FBXL17: variants seen among roughly 807,000 people sequenced by gnomAD.
FBXL17 encodes the protein F-box and leucine rich repeat protein 17, also known as F-box/LRR-repeat protein 17.
In FBXL17, 22 loss-of-function variants were observed where a neutral mutation model predicts 66.2. The observed-to-expected ratio is 0.33, with a 90% CI of 0.24 to 0.47. The LOEUF (loss-of-function observed/expected upper bound fraction) is 0.47, where lower values mean the gene tolerates loss of function less well. FBXL17 is among the 20% of genes least tolerant of loss of function. The probability of loss-of-function intolerance (pLI) is 1.00; values close to 1 mark genes in which losing one functional copy is unlikely to be tolerated. For missense variants in FBXL17, 878 were observed against 948.2 expected (o/e 0.93, Z 0.97); for synonymous variants, 474 against 400.5 (o/e 1.18, Z -2.19).
chr5:108,302,152 A>C, intron 4 of FBXL17: 2 of 261,966 alleles, frequency 7.6e-6, no homozygotes, highest in Non-Finnish European at 1.2e-5. Flanking sequence ...AATGCAACTA[A>C]ATTGATATAT....
intron 7 of FBXL17, among the ~76,000 whole-genome samples, chr5:107,895,079 T>C (rs1749329689): frequency 6.6e-6 from 1 of 152,150 alleles, no homozygotes; most frequent in Non-Finnish European, 1.5e-5. Context: ...TTTCTGTCTT[T>C]TGTAACCACA....
chr5:108,181,216 T>C (rs1348507971), intron 6 of FBXL17, among the ~76,000 whole-genome samples: 34 of 152,156 alleles, frequency 2.2e-4, no homozygotes, highest in Admixed American at 2.2e-3. Context: ...TAAAGACTGA[T>C]ATAAATACAA....
intron 4 of FBXL17, among the ~76,000 whole-genome samples, chr5:108,302,553 A>T (rs546791626): frequency 6.6e-5 from 10 of 151,798 alleles, no homozygotes; most frequent in Non-Finnish European, 1.2e-4. Flanking sequence ...CAAAGACTGA[A>T]AAATTTCTTC....
At chr5:108,202,086 C>T (rs1480371158) in intron 5 of FBXL17, among the ~76,000 whole-genome samples, 2 of 152,056 alleles carry the variant, frequency 1.3e-5, no homozygotes, top group South Asian at 4.1e-4. Context: ...CCAAGAAAGG[C>T]TCTTTCAAAA....
intron 6 of FBXL17, among the ~76,000 whole-genome samples, chr5:108,063,139 T>G (rs1197607454): frequency 1.3e-5 from 2 of 152,188 alleles, no homozygotes; most frequent in Admixed American, 6.5e-5. Context: ...AGTTCATTTT[T>G]TTTGTCTTGT....
At chr5:108,358,513 C>G (rs1330104902) in intron 3 of FBXL17, among the ~76,000 whole-genome samples, 1 of 151,960 alleles carries the variant, frequency 6.6e-6, no homozygotes, top group East Asian at 1.9e-4. Context: ...GTTGAGCCAC[C>G]CTTGTACTCC....
chr5:108,005,187 C>T (rs1254480364), intron 7 of FBXL17, among the ~76,000 whole-genome samples: 1 of 150,976 alleles, frequency 6.6e-6, no homozygotes, highest in Non-Finnish European at 1.5e-5. Flanking sequence ...CTCGTATTAG[C>T]TAGGTTTTTC....
chr5:108,198,990 A>C (rs981890867), intron 5 of FBXL17, among the ~76,000 whole-genome samples: 2 of 152,182 alleles, frequency 1.3e-5, no homozygotes, highest in African/African-American at 4.8e-5. Flanking sequence ...TATATAATAA[A>C]GCACTACTTT....
intron 7 of FBXL17, among the ~76,000 whole-genome samples, chr5:108,017,913 A>G (rs1021028832): frequency 2.0e-5 from 3 of 152,180 alleles, no homozygotes; most frequent in Non-Finnish European, 4.4e-5. Context: ...CAATTAAAAT[A>G]AACATAACTC....
intron 7 of FBXL17, among the ~76,000 whole-genome samples, chr5:107,967,426 A>G (rs1352937811): frequency 1.3e-5 from 2 of 150,792 alleles, no homozygotes; most frequent in South Asian, 2.1e-4. Flanking sequence ...CTGGCAGTCT[A>G]TATTTTAGGA....
At chr5:108,016,549 CT>C (rs773811579) in intron 7 of FBXL17, among the ~76,000 whole-genome samples, 4 of 152,298 alleles carry the variant, frequency 2.6e-5, no homozygotes, top group East Asian at 3.9e-4. Context: ...CAACTGCCCC[CT>C]GACACAAGGT....
At chr5:108,027,271 C>T (rs1754859565) in intron 6 of FBXL17, among the ~76,000 whole-genome samples, 1 of 152,000 alleles carries the variant, frequency 6.6e-6, no homozygotes. Flanking sequence ...TACTAAGAAA[C>T]AAGACGATTA....
At chr5:108,078,786 T>G (rs1748650345) in intron 6 of FBXL17, among the ~76,000 whole-genome samples, 1 of 152,214 alleles carries the variant, frequency 6.6e-6, no homozygotes, top group African/African-American at 2.4e-5. Flanking sequence ...GCCTCCATTC[T>G]TTCTGTAACC....
intron 4 of FBXL17, among the ~76,000 whole-genome samples, chr5:108,259,547 C>G (rs1756722915): frequency 6.6e-6 from 1 of 152,080 alleles, no homozygotes; most frequent in Non-Finnish European, 1.5e-5. Flanking sequence ...GTTTCACCCA[C>G]ACAGCCTCAG....
At chr5:108,141,584 C>A (rs907033143) in intron 6 of FBXL17, among the ~76,000 whole-genome samples, 11 of 152,224 alleles carry the variant, frequency 7.2e-5, no homozygotes, top group African/African-American at 2.7e-4. Context: ...TTCTACACAT[C>A]TACAGGAGTT....
intron 7 of FBXL17, among the ~76,000 whole-genome samples, chr5:108,000,290 C>A (rs1008676196): frequency 1.3e-5 from 2 of 152,160 alleles, no homozygotes; most frequent in African/African-American, 4.8e-5. Context: ...ACGCATACTG[C>A]TAAGGCTTCA....
At chr5:107,867,721 C>T (rs1312310644) in intron 8 of FBXL17, among the ~76,000 whole-genome samples, 1 of 152,170 alleles carries the variant, frequency 6.6e-6, no homozygotes, top group East Asian at 1.9e-4. Context: ...ATGCCTTCAC[C>T]CCTATGTGGT....
intron 7 of FBXL17, among the ~76,000 whole-genome samples, chr5:107,943,392 G>T (rs1946610): frequency 5.3e-5 from 8 of 152,024 alleles, no homozygotes; most frequent in African/African-American, 1.9e-4. Context: ...TTGAAGCCAT[G>T]ACCATCCACC....
At chr5:108,291,558 T>C (rs1177436723) in intron 4 of FBXL17, among the ~76,000 whole-genome samples, 1 of 152,194 alleles carries the variant, frequency 6.6e-6, no homozygotes, top group African/African-American at 2.4e-5. Context: ...CTTTACCCTT[T>C]CTTAGAGGAA....
Sources: gnomAD v4.1 joint callset for allele counts (sites outside exome capture counted in the v4.1 genomes callset) on GRCh38, gnomAD v4.1.1 for gene constraint, MANE v1.5 for transcripts, NCBI Gene and HGNC (gene_info 2026-07-23, HGNC 2026-07-21) for gene names.